The following ZNF705A variants were observed in gnomAD, a reference collection of about 807,000 sequenced individuals.
ZNF705A encodes the protein zinc finger protein 705A.
Under a neutral mutation model 16.6 loss-of-function variants are expected in ZNF705A, and 8 were observed. The observed-to-expected ratio is 0.48, with a 90% confidence interval of 0.28 to 0.87. The LOEUF (loss-of-function observed/expected upper bound fraction) is 0.87. ZNF705A is among the 40% of genes least tolerant of loss of function. The pLI is 0.10. For missense variants in ZNF705A, 233 were observed against 359.9 expected (o/e 0.65, Z 2.85); for synonymous variants, 73 against 117.3 (o/e 0.62, Z 2.44).
chr12:8,165,565 G>A (rs995335101), intron 1 of ZNF705A, among the ~76,000 whole-genome samples: 2 of 149,528 alleles, frequency 1.3e-5, no homozygotes, highest in African/African-American at 4.9e-5. Flanking sequence ...AGATGCATGT[G>A]CAGGTTTTTA....
chr12:8,157,085 G>T (rs1160919861), exon 1 of ZNF705A: 4 of 397,846 alleles, frequency 1.0e-5, no homozygotes. Flanking sequence ...ATGCAATTCC[G>T]CTTAAAGGTA....
At chr12:8,178,697 T>A (rs1948506661) in exon 5 of ZNF705A, 1 of 152,246 alleles carries the variant, frequency 6.6e-6, no homozygotes, top group Non-Finnish European at 1.5e-5. Flanking sequence ...ATATAAGAAA[T>A]CTCATTAAAC....
exon 5 of ZNF705A, chr12:8,177,706 C>T (rs1948497919): frequency 1.4e-6 from 2 of 1,425,158 alleles, no homozygotes; most frequent in African/African-American, 1.4e-5. Flanking sequence ...TTATAAACTT[C>T]TTCAGAACAT....
upstream of ZNF705A, among the ~76,000 whole-genome samples, chr12:8,170,655 C>A (rs1482022996): frequency 2.0e-5 from 3 of 152,150 alleles, no homozygotes; most frequent in Non-Finnish European, 4.4e-5. Flanking sequence ...AGGGTTACAG[C>A]TGGTTTCACC....
intron 1 of ZNF705A, among the ~76,000 whole-genome samples, chr12:8,166,211 A>G (rs1421009390): frequency 6.6e-6 from 1 of 152,060 alleles, no homozygotes; most frequent in Non-Finnish European, 1.5e-5. Context: ...CACATTTTCC[A>G]TCTGCATTGC....
chr12:8,161,655 A>G (rs1428209558), intron 1 of ZNF705A, among the ~76,000 whole-genome samples: 1 of 152,132 alleles, frequency 6.6e-6, no homozygotes, highest in Non-Finnish European at 1.5e-5. Context: ...ATTACCAGAA[A>G]TGCAACAGGT....
At chr12:8,177,824 A>C (rs1241667932) in exon 5 of ZNF705A, 8 of 662,686 alleles carry the variant, frequency 1.2e-5, no homozygotes, top group Non-Finnish European at 1.8e-5. Context: ...TCATATTTTG[A>C]AGAAATACTG....
chr12:8,169,605 A>C (rs1186906285), upstream of ZNF705A, among the ~76,000 whole-genome samples: 1 of 152,238 alleles, frequency 6.6e-6, no homozygotes, highest in Non-Finnish European at 1.5e-5. Flanking sequence ...AAGTGAGAGA[A>C]TCTACTAAAT....
chr12:8,163,241 T>A (rs549832398), intron 1 of ZNF705A, among the ~76,000 whole-genome samples: 4 of 152,200 alleles, frequency 2.6e-5, no homozygotes, highest in Non-Finnish European at 5.9e-5. Flanking sequence ...GGATTCTCAA[T>A]CATTACTATG....
At chr12:8,164,536 C>T (rs1948382549) in intron 1 of ZNF705A, among the ~76,000 whole-genome samples, 2 of 152,322 alleles carry the variant, frequency 1.3e-5, no homozygotes, top group Admixed American at 1.3e-4. Flanking sequence ...CTCCTAATAT[C>T]CATGTGTTCT....
chr12:8,177,532 T>G (rs61922210), exon 5 of ZNF705A: 2 of 1,609,484 alleles, frequency 1.2e-6, no homozygotes, highest in Non-Finnish European at 1.7e-6. Context: ...AGAAACCACA[T>G]GCTTGTCTTC....
intron 1 of ZNF705A, among the ~76,000 whole-genome samples, chr12:8,162,563 C>G (rs1455396582): frequency 6.6e-6 from 1 of 152,072 alleles, no homozygotes; most frequent in Non-Finnish European, 1.5e-5. Flanking sequence ...TCTAGCTGAC[C>G]AAGTAGCCAA....
intron 1 of ZNF705A, among the ~76,000 whole-genome samples, chr12:8,163,247 C>G (rs147255679): frequency 6.6e-6 from 1 of 152,172 alleles, no homozygotes. Context: ...TCAATCATTA[C>G]TATGCAGAAA....
At chr12:8,176,280 C>T (rs958650057) in intron 4 of ZNF705A, among the ~76,000 whole-genome samples, 2 of 152,076 alleles carry the variant, frequency 1.3e-5, no homozygotes, top group African/African-American at 2.4e-5. Context: ...AAATGTCAAT[C>T]GAGAAAAATG....
chr12:8,167,728 T>C (rs550874752), upstream of ZNF705A, among the ~76,000 whole-genome samples: 186 of 152,340 alleles, frequency 1.2e-3, no homozygotes, highest in Middle Eastern at 6.8e-3. Context: ...GCAGCATATC[T>C]GCATGGGTCC....
intron 4 of ZNF705A, among the ~76,000 whole-genome samples, 174 bp downstream of exon 5, chr12:8,176,116 A>G (rs1265084573): frequency 1.3e-5 from 2 of 152,238 alleles, no homozygotes; most frequent in Non-Finnish European, 2.9e-5. Context: ...GTTCTAAACC[A>G]TAACATGAGA....
intron 1 of ZNF705A, among the ~76,000 whole-genome samples, chr12:8,173,516 T>C (rs1301872710): frequency 2.0e-5 from 3 of 152,176 alleles, no homozygotes; most frequent in Non-Finnish European, 4.4e-5. Flanking sequence ...GATGTTTGGA[T>C]TGCCGAGAGA....
upstream of ZNF705A, among the ~76,000 whole-genome samples, chr12:8,171,463 A>G (rs753038297): frequency 1.8e-4 from 27 of 152,306 alleles, no homozygotes; most frequent in East Asian, 4.6e-3. Context: ...AGATATTGCA[A>G]CTAACAAAGA....
At chr12:8,176,658 G>A (rs1328827212) in intron 4 of ZNF705A, among the ~76,000 whole-genome samples, 8 of 152,188 alleles carry the variant, frequency 5.3e-5, no homozygotes, top group Non-Finnish European at 1.2e-4. Context: ...GTAAAGACAA[G>A]TTATCAGTTT....
Sources: allele counts gnomAD v4.1 joint callset (sites outside exome capture counted in the v4.1 genomes callset), GRCh38; gene constraint gnomAD v4.1.1; transcripts MANE v1.5; gene names NCBI Gene and HGNC (gene_info 2026-07-23, HGNC 2026-07-21).